The following KDM5B variants were observed in gnomAD, a reference collection of about 807,000 sequenced individuals.
The protein encoded by KDM5B is lysine-specific demethylase 5B.
In KDM5B, 144 loss-of-function variants were observed where a neutral mutation model predicts 193.4. The ratio of observed to expected loss-of-function variants is 0.74; its 90% CI spans 0.65 to 0.86. The LOEUF (loss-of-function observed/expected upper bound fraction) is 0.86. KDM5B is among the 40% of genes least tolerant of loss of function. KDM5B has a pLI of 0.00. For missense variants in KDM5B, 1,833 were observed against 1,886.9 expected (o/e 0.97, Z 0.53); for synonymous variants, 668 against 682.6 (o/e 0.98, Z 0.33).
rs1264656354 is a variant in KDM5B, at chr1:202,728,741, A to C, written c.*295T>G. 3.5e-6 allele frequency: 1 copy of C among 282,754 alleles called. No individual in the cohort carries two copies. The highest frequency in any genetic ancestry group is 7.4e-5 in the East Asian group (1 of 13,598). 17.5% of individuals were successfully genotyped at this position (282,754 alleles called of 1,614,324 possible). A position where few individuals can be genotyped will look rare whatever the true frequency, so the allele number is the denominator to read the frequency against. On this transcript the variant is annotated 3_prime_UTR_variant, in exon 27 of 27. Transcript: ENST00000367265. Reference sequence around the variant, plus strand: ...TTAATGCTGTACATGAAAAGGTGCAAGCTTCAATGCCTTCCAAATTGGTGG... The same window carrying C: ...TTAATGCTGTACATGAAAAGGTGCACGCTTCAATGCCTTCCAAATTGGTGG...
chr1:202,743,419 A>G lies in KDM5B; in HGVS notation c.2324-614T>C, dbSNP rs533913749. Among the ~76,000 whole-genome samples the G allele has an allele frequency of 2.0e-5, 3 of 152,230 alleles. No individual in the cohort carries two copies. The South Asian group carries it at 6.2e-4, about 32-fold the overall frequency. ...AAGAAAACAACTGACTTATGAAAGCAAAGTAAATATAAATCTTATTGTGGC... is the reference window on the plus strand; with the variant it reads ...AAGAAAACAACTGACTTATGAAAGCGAAGTAAATATAAATCTTATTGTGGC... On this transcript the variant is annotated intron_variant, in intron 16 of 26. Transcript: ENST00000367265.
chr1:202,806,226 C>T (rs1658289719), intron 1 of KDM5B, among the ~76,000 whole-genome samples: 1 of 152,130 alleles, frequency 6.6e-6, no homozygotes, highest in African/African-American at 2.4e-5. Context: ...CCTGGTATAC[C>T]ACAATACCAA....
At chr1:202,764,322 C>T (rs964077516) in intron 5 of KDM5B, among the ~76,000 whole-genome samples, 177 bp from the exon 6 acceptor site, 9 of 152,080 alleles carry the variant, frequency 5.9e-5, no homozygotes, top group Non-Finnish European at 1.2e-4. Flanking sequence ...ACTATTAAAG[C>T]ATGAATGAGA....
At chr1:202,797,591 T>C (rs1229652492) in intron 1 of KDM5B, among the ~76,000 whole-genome samples, 2 of 152,340 alleles carry the variant, frequency 1.3e-5, no homozygotes, top group East Asian at 3.9e-4. Flanking sequence ...CTCCCCACTT[T>C]ACAAGTAGGA....
At chr1:202,737,538 A>G (rs1052171064) in intron 20 of KDM5B, among the ~76,000 whole-genome samples, 2 of 152,260 alleles carry the variant, frequency 1.3e-5, no homozygotes, top group African/African-American at 4.8e-5. Context: ...TAGGTCATCC[A>G]GATATATCTC....
At chr1:202,805,777 A>C (rs185106707) in intron 1 of KDM5B, among the ~76,000 whole-genome samples, 1 of 152,346 alleles carries the variant, frequency 6.6e-6, no homozygotes, top group East Asian at 1.9e-4. Flanking sequence ...CCTTTGTTCC[A>C]ACAAGACCCC....
Position 202,808,177 on chromosome 1 carries a change from C to A in KDM5B, c.129G>T (p.Ala43=). ...TCTTGTGGATGAAAGCGAAGGGGTC[C>A]GCGAACTCTTCCCAGCTGGGTTCGA... is the stretch of plus-strand genomic sequence containing the variant. ...PVFEPSWEEF[A]DPFAFIHKIR... is the part of the protein sequence containing the mutation. The change falls in exon 1 of 27, where the codon GCG becomes GCT. Residue 43 remains alanine, a synonymous_variant. Coordinates refer to ENST00000367265, the MANE Select transcript of KDM5B (RefSeq NM_006618.5). The A allele has an allele frequency of 6.2e-7, 1 of 1,613,164 alleles. No individual in the cohort carries two copies. Among genetic ancestry groups the A allele is most frequent in the Non-Finnish European group, 8.5e-7 (1 of 1,179,590 alleles).
intron 1 of KDM5B, among the ~76,000 whole-genome samples, chr1:202,792,636 T>TTAC (rs1558517406): frequency 6.6e-6 from 1 of 152,164 alleles, no homozygotes; most frequent in Non-Finnish European, 1.5e-5. Context: ...TACATGCAGC[T>TTAC]TACTATTGTT....
intron 1 of KDM5B, among the ~76,000 whole-genome samples, chr1:202,804,819 G>A (rs888573690): frequency 6.9e-6 from 1 of 145,652 alleles, no homozygotes. Flanking sequence ...AGGTTGTGAT[G>A]AGCCACTGCA....
chr1:202,786,879 T>G (rs1657435156), intron 1 of KDM5B, among the ~76,000 whole-genome samples: 2 of 152,132 alleles, frequency 1.3e-5, no homozygotes, highest in African/African-American at 4.8e-5. Context: ...AAACCCCGTC[T>G]TTATAAATAT....
Position 202,729,698 on chromosome 1 carries a change from C to T in KDM5B, c.4497+9G>A. ...AAAGCACGTCCTCTATGGCCCAAACCTCACTGACCTCATCTCCTTCTGGCT... is the reference window on the plus strand; with the variant it reads ...AAAGCACGTCCTCTATGGCCCAAACTTCACTGACCTCATCTCCTTCTGGCT... On this transcript the variant is annotated intron_variant, in intron 26 of 26. Coordinates refer to ENST00000367265, the MANE Select transcript of KDM5B (RefSeq NM_006618.5). 1 of 1,608,622 alleles carries T rather than the reference C, an allele frequency of 6.2e-7. No homozygotes were observed. Among genetic ancestry groups the T allele is most frequent in the South Asian group, 1.1e-5 (1 of 90,296 alleles).
chr1:202,806,223 TA>T (rs1658289603), intron 1 of KDM5B, among the ~76,000 whole-genome samples: 1 of 152,222 alleles, frequency 6.6e-6, no homozygotes, highest in Non-Finnish European at 1.5e-5. Flanking sequence ...AGCCCTGGTA[TA>T]CCACAATACC....
intron 1 of KDM5B, among the ~76,000 whole-genome samples, chr1:202,802,375 T>A: frequency 6.6e-6 from 1 of 151,648 alleles, no homozygotes; most frequent in Non-Finnish European, 1.5e-5. Context: ...CACTGTTTTT[T>A]TGTTGTTGTT....
intron 1 of KDM5B, among the ~76,000 whole-genome samples, chr1:202,798,130 C>T (rs186941173): frequency 7.7e-4 from 117 of 152,176 alleles, no homozygotes; most frequent in Admixed American, 1.3e-3. Context: ...GCCCAGAAGG[C>T]GGAGTTTGCA....
intron 9 of KDM5B, among the ~76,000 whole-genome samples, chr1:202,756,948 T>C (rs12136578): frequency 0.18 from 28,132 of 152,112 alleles, 2,974 homozygotes; most frequent in Middle Eastern, 0.28. Context: ...TCACTGGACC[T>C]GTCTGAGAGC....
In KDM5B at chr1:202,760,404, T is replaced by C. The variant is rs73087588; in HGVS notation, c.1077+11A>G. 3,480 of 1,584,378 alleles carry C rather than the reference T, an allele frequency of 2.2e-3. 76 individuals carry two copies. The African/African-American group carries it at 0.039, about 18-fold the overall frequency. ...AATTTTTCTAGTGTTACCTCTACTA[T>C]TAATTATTACCTGAGCCAAACACTT... On this transcript the variant is annotated intron_variant, in intron 8 of 26. Transcript: ENST00000367265.
rs1656871357 is a variant in KDM5B, at chr1:202,774,826, T to A, written c.283-91A>T. ...TATTTTCTTTCACAGAATATTTAAG[T>A]ACAATACCACTTAAAAAAATTTTTT... On this transcript the variant is annotated intron_variant, in intron 2 of 26. Coordinates refer to ENST00000367265, the MANE Select transcript of KDM5B (RefSeq NM_006618.5). 3.2e-6 allele frequency: 4 copies of A among 1,266,852 alleles called. No individual in the cohort carries two copies. The East Asian group carries it at 9.8e-5, about 31-fold the overall frequency. 78.5% of individuals were successfully genotyped at this position (1,266,852 alleles called of 1,614,324 possible). A position where few individuals can be genotyped will look rare whatever the true frequency, so the allele number is the denominator to read the frequency against.
chr1:202,731,231 A>C, intron 24 of KDM5B, among the ~76,000 whole-genome samples, 168 bp from the exon 25 acceptor site: 1 of 152,238 alleles, frequency 6.6e-6, no homozygotes, highest in East Asian at 1.9e-4. Context: ...GCCTAAAGCC[A>C]CAATATAATA....
intron 1 of KDM5B, among the ~76,000 whole-genome samples, chr1:202,779,176 AG>A (rs1360616545): frequency 6.6e-6 from 1 of 152,184 alleles, no homozygotes; most frequent in East Asian, 1.9e-4. Flanking sequence ...TATATTAATG[AG>A]GAAATTCACA....
Sources: gnomAD v4.1 joint callset for allele counts (sites outside exome capture counted in the v4.1 genomes callset) on GRCh38, gnomAD v4.1.1 for gene constraint, MANE v1.5 for transcripts, NCBI Gene and HGNC (gene_info 2026-07-23, HGNC 2026-07-21) for gene names.